Variants in ZNF677 observed in about 807,000 individuals in gnomAD.
ZNF677 encodes hypothetical protein MGC48625.
A neutral mutation model predicts 8.1 loss-of-function variants in ZNF677; 5 were observed. That is an observed-to-expected ratio of 0.62 (90% confidence interval 0.32 to 1.29). ZNF677 has a LOEUF of 1.29. Among genes scored for constraint, ZNF677 ranks in the 50% most tolerant of loss-of-function variants. The pLI is 0.05. For synonymous variants in ZNF677, 221 were observed against 225.6 expected (o/e 0.98, Z 0.18); for missense variants, 685 against 685.9 (o/e 1.00, Z 0.01).
At chr19:53,250,678 G>A (rs2091220350) in intron 3 of ZNF677, among the ~76,000 whole-genome samples, 1 of 152,190 alleles carries the variant, frequency 6.6e-6, no homozygotes, top group African/African-American at 2.4e-5. Context: ...CAGGGATGGA[G>A]GGTGGGAGGA....
chr19:53,251,399 T>C (rs922311168), intron 3 of ZNF677, 137 bp downstream of exon 3: 2 of 695,192 alleles, frequency 2.9e-6, no homozygotes, highest in Non-Finnish European at 2.6e-6. Context: ...TATGTGGAGA[T>C]GGAATTGAGG....
chr19:53,250,989 C>T (rs1166920257), intron 3 of ZNF677, among the ~76,000 whole-genome samples: 1 of 152,154 alleles, frequency 6.6e-6, no homozygotes, highest in Non-Finnish European at 1.5e-5. Flanking sequence ...AAAAAGACTA[C>T]CTTCTCCATC....
At chr19:53,248,704 C>T (rs2091185972) in intron 3 of ZNF677, among the ~76,000 whole-genome samples, 1 of 152,164 alleles carries the variant, frequency 6.6e-6, no homozygotes, top group Non-Finnish European at 1.5e-5. Flanking sequence ...CTGTACATGA[C>T]AAATTATTTC....
At position 53,249,101 on chromosome 19, in the gene ZNF677, A is replaced by G. The variant is rs1256280311; in HGVS notation, c.15+2435T>C. 7.2e-5 allele frequency: 11 copies of G among 152,152 alleles called. 1 individual carries two copies. The highest frequency in any genetic ancestry group is 5.9e-4 in the Admixed American group (9 of 15,280). The allele number at this position is 152,152 out of a possible 1,614,324, so 9.4% of individuals were successfully genotyped here. A position where few individuals can be genotyped will look rare whatever the true frequency, so the allele number is the denominator to read the frequency against. Reference sequence around the variant, plus strand: ...TTGAAATTTTCACGTTATACTTTTCAGCTCCAAAACTTCTATTTCACTTCT... The same window carrying G: ...TTGAAATTTTCACGTTATACTTTTCGGCTCCAAAACTTCTATTTCACTTCT... On this transcript the variant is annotated intron_variant, in intron 3 of 4. Transcript: ENST00000598513.
At chr19:53,246,254 C>A (rs2091136942) in intron 3 of ZNF677, among the ~76,000 whole-genome samples, 1 of 137,038 alleles carries the variant, frequency 7.3e-6, no homozygotes, top group Non-Finnish European at 1.5e-5. Context: ...GGAGGCGGAG[C>A]TTGCAGTGAG....
At position 53,238,069 on chromosome 19, in the gene ZNF677, A is replaced by T. The variant is rs571852823; in HGVS notation, c.658T>A (p.Ser220Thr). The change falls in exon 5 of 5, where the codon TCT (serine) becomes ACT (threonine). Residue 220 changes from serine (S) to threonine (T), a missense_variant. Transcript: ENST00000598513. The stretch of plus-strand genomic sequence containing the variant: ...GGTGAAACTGAGGAACTATTGATAG[A>T]CTTCTCAACTGGATTACATTCATAC... ...KMYECNPVEK[S>T]INSSSVSPLP... 6.2e-7 allele frequency: 1 copy of T among 1,614,060 alleles called. No homozygotes were observed. Among genetic ancestry groups the T allele is most frequent in the South Asian group, 1.1e-5 (1 of 91,072 alleles).
In ZNF677 at chr19:53,237,405, A is replaced by G. The variant is rs745962311; in HGVS notation, c.1322T>C (p.Ile441Thr). 1 of 1,613,918 alleles carries G rather than the reference A, an allele frequency of 6.2e-7. No individual in the cohort carries two copies. The highest frequency in any genetic ancestry group is 1.7e-5 in the Admixed American group (1 of 60,012). ...ATGTTCCACAAGACTTGAACTTTGG[A>G]TAAAAGCCCTGCCACACACATTACA... The part of the protein sequence containing the change: ...HKCNVCGRAF[I>T]QSSSLVEHQR... Residue 441 changes from isoleucine (I) to threonine (T), a missense_variant, in exon 5 of 5, where the codon ATC becomes ACC. Ile to Thr is a moderately conservative substitution (Grantham distance 89, BLOSUM62 -1). Coordinates refer to ENST00000598513, the MANE Select transcript of ZNF677 (RefSeq NM_182609.4).
At chr19:53,252,078 A>G (rs577686935) in intron 2 of ZNF677, among the ~76,000 whole-genome samples, 1 of 152,318 alleles carries the variant, frequency 6.6e-6, no homozygotes, top group African/African-American at 2.4e-5. Context: ...TGACATAATA[A>G]AACTTAAGAC....
intron 3 of ZNF677, among the ~76,000 whole-genome samples, chr19:53,245,166 T>C (rs572528228): frequency 1.5e-4 from 23 of 152,212 alleles, no homozygotes; most frequent in Non-Finnish European, 2.6e-4. Flanking sequence ...TTACCTGAAA[T>C]TGTAAAACTC....
At position 53,236,983 on chromosome 19, in the gene ZNF677, T is replaced by C. The variant is rs1428200300; in HGVS notation, c.1744A>G (p.Ser582Gly). Reference protein sequence around the residue: ...KYNETKIKYSSCT With the variant: ...KYNETKIKYSGCT ...TGGAGCCCCTGATGCTAGGTACAGCTTGAATACTTAATTTTTGTCTCATTA... is the reference window on the plus strand; with the variant it reads ...TGGAGCCCCTGATGCTAGGTACAGCCTGAATACTTAATTTTTGTCTCATTA... Residue 582 changes from serine (S) to glycine (G), a missense_variant, in exon 5 of 5, where the codon AGC becomes GGC. Physicochemically the swap from Ser to Gly is moderately conservative, Grantham distance 56. Coordinates refer to ENST00000598513, the MANE Select transcript of ZNF677 (RefSeq NM_182609.4). 1 of 1,560,212 alleles carries C rather than the reference T, an allele frequency of 6.4e-7. No homozygotes were observed.
At chr19:53,246,282 C>T (rs1324471158) in intron 3 of ZNF677, among the ~76,000 whole-genome samples, 1 of 144,632 alleles carries the variant, frequency 6.9e-6, no homozygotes, top group Non-Finnish European at 1.5e-5. Context: ...CGCGCCACTG[C>T]ACTCCAGCCT....
intron 4 of ZNF677, chr19:53,240,166 A>T (rs1385115518): frequency 2.0e-5 from 3 of 152,220 alleles, no homozygotes; most frequent in African/African-American, 7.2e-5. Flanking sequence ...TTCTTTACAC[A>T]GTGTGTGCAA....
Position 53,237,941 on chromosome 19 carries a change from T to C in ZNF677, c.786A>G (p.Ser262=), listed in dbSNP as rs780665007. The part of the protein sequence containing the change: ...QYGRTHIREK[S]YKCNDCGKAF... ...CCTTTCCACAGTCATTACACTTGTA[T>C]GATTTTTCTCTAATGTGTGTTCTCC... The change falls in exon 5 of 5, where the codon TCA becomes TCG. Residue 262 remains serine, a synonymous_variant. Coordinates refer to ENST00000598513, the MANE Select transcript of ZNF677 (RefSeq NM_182609.4). 3 of 1,612,204 alleles carry C rather than the reference T, an allele frequency of 1.9e-6. No homozygotes were observed. The highest frequency in any genetic ancestry group is 1.7e-5 in the Admixed American group (1 of 60,020).
chr19:53,238,693 G>A (rs1418367883), intron 4 of ZNF677, 136 bp from the exon 5 acceptor site: 17 of 752,262 alleles, frequency 2.3e-5, no homozygotes, highest in East Asian at 8.7e-5. Flanking sequence ...GTCTTTAAAC[G>A]TTTAACAACA....
chr19:53,243,486 C>T (rs931948284), intron 4 of ZNF677: 3 of 521,812 alleles, frequency 5.7e-6, no homozygotes, highest in Non-Finnish European at 1.0e-5. Flanking sequence ...ACCATGATAC[C>T]AGACACTTTA....
intron 3 of ZNF677, among the ~76,000 whole-genome samples, chr19:53,246,021 TAAAAA>T (rs1411740798): frequency 2.3e-5 from 3 of 131,940 alleles, no homozygotes; most frequent in Non-Finnish European, 4.9e-5. Context: ...CAGGAAAAAA[TAAAAA>T]TAAAATGACC....
At position 53,237,540 on chromosome 19, in the gene ZNF677, A is replaced by G. The variant is rs1420145566; in HGVS notation, c.1187T>C (p.Ile396Thr). The change falls in exon 5 of 5, where the codon ATC becomes ACC. Residue 396 changes from isoleucine (I) to threonine (T), a missense_variant. Ile to Thr is a moderately conservative substitution (Grantham distance 89). Transcript: ENST00000598513. The stretch of plus-strand genomic sequence containing the variant: ...TATGTAAGGCTTCTCTCCAGTATGG[A>G]TTCTCTTATGTTGGGTAAGGCTTGA... ...ERSSLTQHKR[I>T]HTGEKPYICN... The G allele has an allele frequency of 1.9e-6, 3 of 1,613,354 alleles. No homozygotes were observed. The highest frequency in any genetic ancestry group is 2.5e-6 in the Non-Finnish European group (3 of 1,179,856).
intron 2 of ZNF677, 88 bp from the exon 3 acceptor site, chr19:53,251,693 A>G: frequency 1.1e-6 from 1 of 908,172 alleles, no homozygotes; most frequent in Non-Finnish European, 1.6e-6. Flanking sequence ...CTTGATATAG[A>G]AAAAAGATGG....
At chr19:53,252,686 G>A (rs910136398) in intron 2 of ZNF677, among the ~76,000 whole-genome samples, 2 of 152,164 alleles carry the variant, frequency 1.3e-5, no homozygotes, top group Admixed American at 6.6e-5. Flanking sequence ...GAACAGACGG[G>A]CTCTGTTGGA....
Sources: allele counts gnomAD v4.1 joint callset (sites outside exome capture counted in the v4.1 genomes callset), GRCh38; gene constraint gnomAD v4.1.1; transcripts MANE v1.5; gene names NCBI Gene and HGNC (gene_info 2026-07-23, HGNC 2026-07-21).